Variants in TRIM5 observed in about 807,000 individuals in gnomAD.
The protein encoded by TRIM5 is tripartite motif-containing protein 5.
In TRIM5, 31 loss-of-function variants were observed where a neutral mutation model predicts 35.6. The observed-to-expected ratio is 0.87, with a 90% CI of 0.65 to 1.18. TRIM5 has a LOEUF of 1.18. TRIM5 is among the 50% of genes most tolerant of loss of function. The pLI, the probability that TRIM5 is intolerant of heterozygous loss-of-function variation, is 0.00. For missense variants in TRIM5, 609 were observed against 591.6 expected (o/e 1.03, Z -0.31); for synonymous variants, 243 against 215.6 (o/e 1.13, Z -1.11).
chr11:5,641,149 T>G, the TRIM5 span: 1 of 1,613,344 alleles, frequency 6.2e-7, no homozygotes, highest in Non-Finnish European at 8.5e-7. Context: ...TGACTCATGT[T>G]TTCTCTTTTC....
At chr11:5,608,638 G>C in the TRIM5 span, among the ~76,000 whole-genome samples, 28 of 151,912 alleles carry the variant, frequency 1.8e-4, no homozygotes, top group Non-Finnish European at 3.1e-4. Context: ...ATAAAGAGTT[G>C]CAGTATTGCG....
the TRIM5 span, among the ~76,000 whole-genome samples, chr11:5,599,948 T>G: frequency 6.6e-6 from 1 of 152,034 alleles, no homozygotes; most frequent in Non-Finnish European, 1.5e-5. Flanking sequence ...TAGAGCCTTA[T>G]AGTGCAGTGT....
At chr11:5,602,306 A>G in the TRIM5 span, among the ~76,000 whole-genome samples, 2 of 152,006 alleles carry the variant, frequency 1.3e-5, no homozygotes, top group Non-Finnish European at 2.9e-5. Context: ...AGCCGGACAT[A>G]GTGGCAGGCA....
chr11:5,612,536 C>A, the TRIM5 span: 37 of 152,212 alleles, frequency 2.4e-4, 2 homozygotes, highest in South Asian at 7.0e-3. Flanking sequence ...AAAATATGAA[C>A]AATATAAAGC....
chr11:5,672,386 A>G (rs1464358403), intron 4 of TRIM5, among the ~76,000 whole-genome samples: 1 of 151,852 alleles, frequency 6.6e-6, no homozygotes, highest in African/African-American at 2.4e-5. Flanking sequence ...TAATTTTTGT[A>G]TTTTTAGTAG....
chr11:5,667,483 G>A (rs1211953409), intron 5 of TRIM5, among the ~76,000 whole-genome samples: 1 of 152,154 alleles, frequency 6.6e-6, no homozygotes. Flanking sequence ...ATAGGCTTGA[G>A]CCACCACACC....
intron 2 of TRIM5, among the ~76,000 whole-genome samples, chr11:5,679,407 G>A (rs554101349): frequency 6.6e-6 from 1 of 152,160 alleles, no homozygotes; most frequent in East Asian, 1.9e-4. Flanking sequence ...TTTTGTCCTA[G>A]AAGAAAAAAC....
At chr11:5,633,806 G>C in the TRIM5 span, 5,301 of 1,613,470 alleles carry the variant, frequency 3.3e-3, 132 homozygotes, top group South Asian at 0.038. Flanking sequence ...TCTCATAGGA[G>C]AAACTCCAGG....
intron 7 of TRIM5, 40 bp from the exon 8 acceptor site, chr11:5,665,435 A>G: frequency 6.4e-7 from 1 of 1,557,744 alleles, no homozygotes; most frequent in Non-Finnish European, 8.6e-7. Flanking sequence ...GATATAATGT[A>G]ACTTTATTTG....
chr11:5,604,507 T>C, the TRIM5 span: 2 of 1,604,298 alleles, frequency 1.2e-6, no homozygotes, highest in Non-Finnish European at 1.7e-6. Context: ...GGCTTGATCC[T>C]GCTTGACCTG....
At chr11:5,676,286 A>G (rs967002428) in intron 4 of TRIM5, among the ~76,000 whole-genome samples, 4 of 152,180 alleles carry the variant, frequency 2.6e-5, no homozygotes, top group African/African-American at 7.2e-5. Flanking sequence ...ATGTACAAAA[A>G]TCACAAGCAT....
the TRIM5 span, among the ~76,000 whole-genome samples, chr11:5,629,968 A>C: frequency 6.6e-6 from 1 of 152,082 alleles, no homozygotes; most frequent in Non-Finnish European, 1.5e-5. Flanking sequence ...GGCCTCCCAA[A>C]GTGCTGAGAT....
the TRIM5 span, among the ~76,000 whole-genome samples, chr11:5,599,005 C>T: frequency 1.3e-5 from 2 of 152,158 alleles, no homozygotes; most frequent in African/African-American, 4.8e-5. Flanking sequence ...CACTGATGTA[C>T]TTTCAAATAC....
At position 5,664,292 on chromosome 11, in the gene TRIM5, A is replaced by C; in HGVS notation, c.*517T>G. The C allele has an allele frequency of 1.0e-6, 1 of 986,006 alleles. No homozygotes were observed. The allele number at this position is 986,006 out of a possible 1,614,324, so 61.1% of individuals were successfully genotyped here. On this transcript the variant is annotated 3_prime_UTR_variant, in exon 8 of 8. Transcript: ENST00000380034. ...ACAGTTACACTGCTGGTATATGGAG[A>C]GACAGGAGTTGAACTGAGATCCTCT...
chr11:5,659,029 T>C (rs1179912919), downstream of TRIM5, among the ~76,000 whole-genome samples: 1 of 152,064 alleles, frequency 6.6e-6, no homozygotes, highest in African/African-American at 2.4e-5. Flanking sequence ...GGAGGGATAG[T>C]ATTAGGAGAA....
At chr11:5,641,267 A>G in the TRIM5 span, 1 of 1,604,198 alleles carries the variant, frequency 6.2e-7, no homozygotes, top group Non-Finnish European at 8.5e-7. Context: ...TTGGTGGTCA[A>G]TTGGAATAAA....
chr11:5,666,947 T>A (rs982047355), intron 5 of TRIM5, among the ~76,000 whole-genome samples: 1 of 152,144 alleles, frequency 6.6e-6, no homozygotes, highest in Non-Finnish European at 1.5e-5. Context: ...GAGGAAAATA[T>A]AAACATGTGG....
the TRIM5 span, chr11:5,608,433 G>T: frequency 1.9e-6 from 3 of 1,610,982 alleles, no homozygotes; most frequent in South Asian, 2.2e-5. Flanking sequence ...CCCCTGGACT[G>T]ACAAATGATT....
downstream of TRIM5, among the ~76,000 whole-genome samples, chr11:5,660,991 G>A (rs1454540127): frequency 2.2e-5 from 3 of 134,666 alleles, no homozygotes; most frequent in Non-Finnish European, 4.6e-5. Context: ...GCAGTGAGCC[G>A]AAATCGCGCC....
Sources: allele counts gnomAD v4.1 joint callset (sites outside exome capture counted in the v4.1 genomes callset), GRCh38; gene constraint gnomAD v4.1.1; transcripts MANE v1.5; gene names NCBI Gene and HGNC (gene_info 2026-07-23, HGNC 2026-07-21).